DSCAM: variants seen among roughly 807,000 people sequenced by gnomAD.
The protein encoded by DSCAM is cell adhesion molecule DSCAM.
DSCAM carries 47 observed loss-of-function variants against 217.7 expected under a neutral mutation model. The observed-to-expected ratio is 0.22, with a 90% CI of 0.17 to 0.28. DSCAM has a LOEUF of 0.28. DSCAM is among the 10% of genes least tolerant of loss of function. DSCAM has a pLI of 1.00. For synonymous variants in DSCAM, 1,056 were observed against 1,015.3 expected (o/e 1.04, Z -0.76); for missense variants, 2,080 against 2,618.3 (o/e 0.79, Z 4.49).
At chr21:40,150,701 G>T (rs142528845) in intron 16 of DSCAM, among the ~76,000 whole-genome samples, 1 of 152,332 alleles carries the variant, frequency 6.6e-6, no homozygotes, top group East Asian at 1.9e-4. Flanking sequence ...TAGTGCATAA[G>T]ATCCTTAACT....
chr21:40,210,228 C>T (rs1009737308), intron 11 of DSCAM, among the ~76,000 whole-genome samples: 2 of 152,222 alleles, frequency 1.3e-5, no homozygotes, highest in African/African-American at 2.4e-5. Context: ...GTTAAACTCA[C>T]GTCCTACCTC....
chr21:40,385,751 C>T (rs946632896), intron 3 of DSCAM, among the ~76,000 whole-genome samples: 2 of 152,196 alleles, frequency 1.3e-5, no homozygotes, highest in African/African-American at 4.8e-5. Flanking sequence ...CCCCCTCTGA[C>T]AGCTCTTTGC....
At chr21:40,747,836 A>C (rs2091190340) in intron 1 of DSCAM, among the ~76,000 whole-genome samples, 1 of 151,976 alleles carries the variant, frequency 6.6e-6, no homozygotes, top group Non-Finnish European at 1.5e-5. Flanking sequence ...AATAGTACCA[A>C]ACTGAATTCA....
chr21:40,260,830 A>G (rs1250206505), intron 11 of DSCAM, among the ~76,000 whole-genome samples: 1 of 152,210 alleles, frequency 6.6e-6, no homozygotes, highest in Non-Finnish European at 1.5e-5. Context: ...CCTTTTCAAG[A>G]TGAATGATAT....
chr21:40,592,614 C>T (rs2076991948), intron 3 of DSCAM, among the ~76,000 whole-genome samples: 1 of 152,080 alleles, frequency 6.6e-6, no homozygotes, highest in African/African-American at 2.4e-5. Flanking sequence ...GTGTGCTTGC[C>T]CATGCTGTTC....
At chr21:40,491,903 C>G (rs775727625) in intron 3 of DSCAM, among the ~76,000 whole-genome samples, 1 of 152,174 alleles carries the variant, frequency 6.6e-6, no homozygotes, top group African/African-American at 2.4e-5. Context: ...CCCCCCTTCC[C>G]GGGGGTCTCA....
intron 3 of DSCAM, 35 bp from the exon 4 acceptor site, chr21:40,369,280 A>G: frequency 6.3e-7 from 1 of 1,585,886 alleles, no homozygotes; most frequent in Non-Finnish European, 8.6e-7. Flanking sequence ...TGGTTAAAAG[A>G]CAATGAAAGC....
At chr21:40,684,361 G>A (rs1255315553) in intron 3 of DSCAM, among the ~76,000 whole-genome samples, 3 of 152,234 alleles carry the variant, frequency 2.0e-5, no homozygotes, top group Non-Finnish European at 4.4e-5. Context: ...AGGTGACGCG[G>A]TTGCTGAGGA....
At position 40,172,542 on chromosome 21, in the gene DSCAM, TCCCACTGCCCAGCAGCTCCTGTGTCC is replaced by T. The variant is rs1446100442; in HGVS notation, c.2948-5280_2948-5255del. ...TCTGTCCCTCCCCAGCTGGACAACC[TCCCACTGCCCAGCAGCTCCTGTGTCC>T]CTCCCAGAGCTGAGACTCAAGCCTC... On this transcript the variant is annotated intron_variant, in intron 15 of 32. Transcript: ENST00000400454. 2.6e-5 allele frequency among the ~76,000 whole-genome samples: 4 copies of T among 152,136 alleles called. No homozygotes were observed. In the East Asian group the frequency reaches 7.7e-4, roughly 29 times the overall value.
chr21:40,630,488 A>T (rs916088313), intron 3 of DSCAM, among the ~76,000 whole-genome samples: 1 of 152,192 alleles, frequency 6.6e-6, no homozygotes, highest in Non-Finnish European at 1.5e-5. Context: ...TAGTAAAGAC[A>T]GGGTTTCACC....
chr21:40,239,075 C>T (rs1249855080), intron 11 of DSCAM, among the ~76,000 whole-genome samples: 1 of 152,146 alleles, frequency 6.6e-6, no homozygotes, highest in East Asian at 1.9e-4. Flanking sequence ...AGAGTGGAAT[C>T]AGGCCATTAT....
At chr21:40,585,666 G>A (rs1194841976) in intron 3 of DSCAM, among the ~76,000 whole-genome samples, 1 of 152,136 alleles carries the variant, frequency 6.6e-6, no homozygotes. Flanking sequence ...CAAGTTGTAG[G>A]TCGAAATTTG....
Position 40,353,467 on chromosome 21 carries a change from T to A in DSCAM, c.932A>T (p.Lys311Ile). The change falls in exon 5 of 33, where the codon AAA becomes ATA. Residue 311 changes from lysine to isoleucine, a missense_variant and splice_region_variant. Physicochemically the swap from Lys to Ile is moderately radical, Grantham distance 102 (BLOSUM62 -3). Coordinates refer to ENST00000400454, the MANE Select transcript of DSCAM (RefSeq NM_001389.5). ...TAKVIGRLYV[K>I]QPLKATISPR... The stretch of plus-strand genomic sequence containing the variant: ...TTGCAAGTTACCGTCCAACTTACGT[T>A]TCACGTACAGGCGGCCTATCACCTT... The A allele has an allele frequency of 6.2e-7, 1 of 1,600,998 alleles. No individual in the cohort carries two copies. Among genetic ancestry groups the A allele is most frequent in the Non-Finnish European group, 8.5e-7 (1 of 1,176,570 alleles).
intron 1 of DSCAM, among the ~76,000 whole-genome samples, chr21:40,835,478 C>T (rs963104865): frequency 7.2e-5 from 11 of 152,244 alleles, no homozygotes; most frequent in African/African-American, 2.6e-4. Context: ...AGACAGTCTA[C>T]CCTAATTCCT....
chr21:40,051,856 T>C lies in DSCAM; in HGVS notation c.5185+102A>G, dbSNP rs950028265. On this transcript the variant is annotated intron_variant, in intron 30 of 32. Coordinates refer to ENST00000400454, the MANE Select transcript of DSCAM (RefSeq NM_001389.5). ...ATTATACCCATTTGTTTCTCAGGCA[T>C]AGGTATGAAAAGCCACACATTTTCA... The C allele has an allele frequency of 4.6e-5, 66 of 1,443,928 alleles. No homozygotes were observed. The African/African-American group carries it at 8.7e-4, about 19-fold the overall frequency. 89.4% of individuals were successfully genotyped at this position (1,443,928 alleles called of 1,614,324 possible).
At chr21:40,205,624 T>C (rs896332976) in intron 11 of DSCAM, among the ~76,000 whole-genome samples, 1 of 141,888 alleles carries the variant, frequency 7.0e-6, no homozygotes, top group African/African-American at 2.7e-5. Flanking sequence ...AAAAAAAAAG[T>C]GTTCTCTTGA....
chr21:40,685,064 C>G (rs73905061), intron 3 of DSCAM, among the ~76,000 whole-genome samples: 1,827 of 152,228 alleles, frequency 0.012, 30 homozygotes, highest in African/African-American at 0.04. Context: ...TGGGATGAGA[C>G]CTTTCTTAAG....
chr21:40,237,353 A>G (rs919822093), intron 11 of DSCAM, among the ~76,000 whole-genome samples: 2 of 151,984 alleles, frequency 1.3e-5, no homozygotes, highest in African/African-American at 4.8e-5. Context: ...TCCTAATGCT[A>G]TCCCTCCCCT....
chr21:40,139,430 G>T (rs966718121), intron 18 of DSCAM, among the ~76,000 whole-genome samples: 1 of 151,970 alleles, frequency 6.6e-6, no homozygotes, highest in African/African-American at 2.4e-5. Context: ...AGCGGGGAGG[G>T]GACTTACAGG....
Sources: allele counts gnomAD v4.1 joint callset (sites outside exome capture counted in the v4.1 genomes callset), GRCh38; gene constraint gnomAD v4.1.1; transcripts MANE v1.5; gene names NCBI Gene and HGNC (gene_info 2026-07-23, HGNC 2026-07-21).